TRIM14: variants seen among roughly 807,000 people sequenced by gnomAD.
TRIM14 encodes the protein tripartite motif containing 14.
A neutral mutation model predicts 44.5 loss-of-function variants in TRIM14; 28 were observed. That is an observed-to-expected ratio of 0.63 (90% CI 0.47 to 0.86). The LOEUF is 0.86. Ranked by LOEUF, TRIM14 falls within the 40% of genes least tolerant of loss-of-function variation. TRIM14 has a pLI of 0.00. For synonymous variants in TRIM14, 299 were observed against 269.2 expected, an observed-to-expected ratio of 1.11 and a Z score of -1.08; for missense variants, 607 against 611.1, an observed-to-expected ratio of 0.99 and a Z score of 0.07.
the TRIM14 span, chr9:98,056,621 GC>G: frequency 0.13 from 110,519 of 871,906 alleles, 9,137 homozygotes; most frequent in East Asian, 0.42. Context: ...CCCCGCCCCC[GC>G]CCCCCGCCCC....
chr9:98,097,414 T>C (rs1463735329), intron 3 of TRIM14, among the ~76,000 whole-genome samples: 1 of 152,126 alleles, frequency 6.6e-6, no homozygotes, highest in East Asian at 1.9e-4. Context: ...CTGTCTGTCC[T>C]CTCTGCGTCC....
At chr9:98,067,506 G>A (rs187000127), downstream of TRIM14, among the ~76,000 whole-genome samples, 235 of 152,270 alleles carry the variant, frequency 1.5e-3, 1 homozygote, top group Non-Finnish European at 2.2e-3. Context: ...TCATGTGTCT[G>A]TTGGTCATCT....
At chr9:98,057,922 G>GTTTTTTTT in the TRIM14 span, among the ~76,000 whole-genome samples, 18 of 78,088 alleles carry the variant, frequency 2.3e-4, no homozygotes, top group East Asian at 3.3e-4. Context: ...TTTTTTCCTG[G>GTTTTTTTT]TTTTTTTTTT....
intron 1 of TRIM14, among the ~76,000 whole-genome samples, chr9:98,111,276 G>A (rs1023885226): frequency 2.0e-5 from 3 of 151,502 alleles, no homozygotes; most frequent in Non-Finnish European, 4.4e-5. Context: ...TCAACCTTAC[G>A]TAATGAAATT....
At chr9:98,094,733 G>T in intron 4 of TRIM14, 134 bp downstream of exon 4, 1 of 1,035,784 alleles carries the variant, frequency 9.7e-7, no homozygotes, top group Non-Finnish European at 1.4e-6. Context: ...ACCAGGCCCA[G>T]GAGCCCCTGA....
At chr9:98,056,693 A>G in the TRIM14 span, 3 of 1,443,590 alleles carry the variant, frequency 2.1e-6, no homozygotes, top group South Asian at 3.9e-5. Flanking sequence ...CCGCGGGCTG[A>G]CGTGGCGGGG....
At chr9:98,054,344 A>G in the TRIM14 span, among the ~76,000 whole-genome samples, 84,037 of 152,010 alleles carry the variant, frequency 0.55, 25,857 homozygotes, top group African/African-American at 0.83. Flanking sequence ...CCTATTCTCC[A>G]TCTGAGAAGT....
At chr9:98,115,109 A>T (rs1827001341) in intron 1 of TRIM14, among the ~76,000 whole-genome samples, 1 of 149,724 alleles carries the variant, frequency 6.7e-6, no homozygotes, top group Non-Finnish European at 1.5e-5. Flanking sequence ...TTTTTTTTTT[A>T]GACAGAGTCT....
chr9:98,036,339 A>G, the TRIM14 span, among the ~76,000 whole-genome samples: 1 of 151,280 alleles, frequency 6.6e-6, no homozygotes, highest in Non-Finnish European at 1.5e-5. Context: ...CATCTCTACT[A>G]AAAATACGAA....
chr9:98,070,735 A>G (rs1181927746), intron 6 of TRIM14, among the ~76,000 whole-genome samples: 1 of 152,098 alleles, frequency 6.6e-6, no homozygotes, highest in Non-Finnish European at 1.5e-5. Flanking sequence ...TTTAATTTTT[A>G]ATTCAGCAAA....
At chr9:98,092,208 G>A (rs1826020154) in intron 4 of TRIM14, among the ~76,000 whole-genome samples, 1 of 152,194 alleles carries the variant, frequency 6.6e-6, no homozygotes, top group Admixed American at 6.5e-5. Flanking sequence ...GAGGAGCTGA[G>A]GCGCGAACAA....
the TRIM14 span, among the ~76,000 whole-genome samples, chr9:98,035,894 T>A: frequency 6.6e-6 from 1 of 152,208 alleles, no homozygotes; most frequent in South Asian, 2.1e-4. Context: ...AGAAAATATT[T>A]ATTGGCATCT....
intron 6 of TRIM14, among the ~76,000 whole-genome samples, chr9:98,073,258 T>G (rs976964472): frequency 2.3e-5 from 3 of 129,262 alleles, no homozygotes; most frequent in Non-Finnish European, 4.8e-5. Flanking sequence ...TCTCCCCAGC[T>G]CATCACCATG....
chr9:98,078,254 G>T, intron 6 of TRIM14: 1 of 1,614,150 alleles, frequency 6.2e-7, no homozygotes, highest in Middle Eastern at 1.6e-4. Flanking sequence ...AAGTTTATCA[G>T]ATCGTGAAGC....
At chr9:98,041,495 CT>C in the TRIM14 span, among the ~76,000 whole-genome samples, 146 of 145,190 alleles carry the variant, frequency 1.0e-3, no homozygotes, top group Admixed American at 9.6e-4. Context: ...ATAAGGACAT[CT>C]TTTTTTTTTT....
the TRIM14 span, among the ~76,000 whole-genome samples, chr9:98,063,604 CA>C: frequency 2.1e-4 from 32 of 151,888 alleles, no homozygotes; most frequent in African/African-American, 7.2e-4. Flanking sequence ...TGCAACGATG[CA>C]ATCATAGCTT....
chr9:98,115,400 A>G (rs1334087839), intron 1 of TRIM14, among the ~76,000 whole-genome samples: 1 of 152,154 alleles, frequency 6.6e-6, no homozygotes, highest in Non-Finnish European at 1.5e-5. Context: ...ACAGGTGCCC[A>G]CCACCATGCC....
chr9:98,043,875 A>G, the TRIM14 span, among the ~76,000 whole-genome samples: 1 of 152,128 alleles, frequency 6.6e-6, no homozygotes, highest in African/African-American at 2.4e-5. Flanking sequence ...TGCAGTGGTC[A>G]TCTTGTGCAC....
At position 98,078,425 on chromosome 9, in the gene TRIM14, T is replaced by TAACA. The variant is rs1829691873; in HGVS notation, c.*29-8742_*29-8739dup. On this transcript the variant is annotated intron_variant, in intron 6 of 6. Coordinates refer to the TRIM14 transcript ENST00000375098. ...GTAGTCTTTTTTATAACCAAAATTCTAACAAACATGGCATACTTTATAATT... is the reference window on the plus strand; with the variant it reads ...GTAGTCTTTTTTATAACCAAAATTCTAACAAACAAACATGGCATACTTTATAATT... 8 of 1,492,862 alleles carry TAACA rather than the reference T, an allele frequency of 5.4e-6. No individual in the cohort carries two copies. The South Asian group carries it at 8.7e-5, about 16-fold the overall frequency. 92.5% of individuals were successfully genotyped at this position (1,492,862 alleles called of 1,614,324 possible).
Sources: allele counts gnomAD v4.1 joint callset (sites outside exome capture counted in the v4.1 genomes callset), GRCh38; gene constraint gnomAD v4.1.1; transcripts MANE v1.5; gene names NCBI Gene and HGNC (gene_info 2026-07-23, HGNC 2026-07-21).